NHSL2: variants seen among roughly 807,000 people sequenced by gnomAD.
NHSL2 encodes NHS-like protein 2.
NHSL2 carries 27 observed loss-of-function variants against 53.4 expected under a neutral mutation model. The ratio of observed to expected loss-of-function variants is 0.51; its 90% confidence interval spans 0.37 to 0.70. The LOEUF (loss-of-function observed/expected upper bound fraction) is 0.70. Ranked by LOEUF, NHSL2 falls within the 30% of genes least tolerant of loss-of-function variation. The pLI, the probability that NHSL2 is intolerant of heterozygous loss-of-function variation, is 0.00. For synonymous variants in NHSL2, 408 were observed against 404.1 expected, an observed-to-expected ratio of 1.01 and a Z score of -0.12; for missense variants, 892 against 980.1, an observed-to-expected ratio of 0.91 and a Z score of 1.20.
intron 1 of NHSL2, among the ~76,000 whole-genome samples, chrX:71,980,327 C>T (rs2041969803): frequency 9.0e-6 from 1 of 111,472 alleles, no homozygotes; most frequent in Admixed American, 9.5e-5. Flanking sequence ...ATGGGGATGG[C>T]ATTGAATCTG....
chrX:71,925,490 G>A (rs778591295), intron 1 of NHSL2, among the ~76,000 whole-genome samples: 3 of 108,173 alleles, frequency 2.8e-5, no homozygotes, highest in South Asian at 4.2e-4. Flanking sequence ...GCAGTGGCGC[G>A]ATCTCAGCTC....
At chrX:72,052,982 G>A (rs1194937067) in intron 1 of NHSL2, among the ~76,000 whole-genome samples, 2 of 112,354 alleles carry the variant, frequency 1.8e-5, no homozygotes, top group African/African-American at 6.5e-5. Flanking sequence ...AAAGGCAATA[G>A]GGATCTGATG....
At chrX:71,962,300 G>C (rs906546513) in intron 1 of NHSL2, among the ~76,000 whole-genome samples, 2 of 111,507 alleles carry the variant, frequency 1.8e-5, no homozygotes, top group Non-Finnish European at 3.8e-5. Context: ...CTTTGGCTTT[G>C]ATATCAGGGC....
At chrX:72,049,992 G>A (rs1321857495) in intron 1 of NHSL2, among the ~76,000 whole-genome samples, 1 of 106,452 alleles carries the variant, frequency 9.4e-6, no homozygotes, top group Non-Finnish European at 1.9e-5. Flanking sequence ...TATAGTTCTG[G>A]TTTTGGTAGG....
At chrX:71,911,863 T>C (rs762893049) in intron 1 of NHSL2, among the ~76,000 whole-genome samples, 512 of 112,556 alleles carry the variant, frequency 4.5e-3, no homozygotes, top group Non-Finnish European at 7.5e-3. Flanking sequence ...CGGTGGTGCC[T>C]ACAGGCTTTA....
In NHSL2 at chrX:72,130,444, A is replaced by G. The variant is rs146618350; in HGVS notation, c.281-1635A>G. 1,034 of 1,203,426 alleles carry G rather than the reference A, an allele frequency of 8.6e-4. 6 individuals carry two copies. In the African/African-American group the frequency reaches 0.017, roughly 19 times the overall value. On this transcript the variant is annotated intron_variant, in intron 1 of 7. Transcript: ENST00000633930. Reference sequence around the variant, plus strand: ...CTTCATCTCTTGCTGAAAAGCCCTCATGCGCTTCCTCTGGTCCTTGGAGTG... The same window carrying G: ...CTTCATCTCTTGCTGAAAAGCCCTCGTGCGCTTCCTCTGGTCCTTGGAGTG...
rs1181953593 is a variant in NHSL2, at chrX:71,911,117, C to G, written c.30C>G (p.Pro10=). The change falls in exon 1 of 8, where the codon CCC becomes CCG. Residue 10 remains proline, a synonymous_variant. Transcript: ENST00000633930. The part of the protein sequence containing the change: MPFYRRTVV[P]QRLCPRNPPQ... Reference sequence around the variant, plus strand: ...CGTTCTACAGGCGCACGGTGGTACCCCAGCGCCTGTGCCCGCGCAACCCGC... The same window carrying G: ...CGTTCTACAGGCGCACGGTGGTACCGCAGCGCCTGTGCCCGCGCAACCCGC... The G allele has an allele frequency of 1.0e-5, 11 of 1,096,562 alleles. No individual in the cohort carries two copies. Among genetic ancestry groups the G allele is most frequent in the Non-Finnish European group, 1.3e-5 (11 of 842,206 alleles). The allele number at this position is 1,096,562 out of a possible 1,213,427, so 90.4% of individuals were successfully genotyped here. A position where few individuals can be genotyped will look rare whatever the true frequency, so the allele number is the denominator to read the frequency against.
chrX:71,927,882 C>T (rs1051875196), intron 1 of NHSL2, among the ~76,000 whole-genome samples: 5 of 111,859 alleles, frequency 4.5e-5, no homozygotes, highest in Admixed American at 9.5e-5. Flanking sequence ...TCTTTATGAC[C>T]CTGGACAAGT....
chrX:71,972,587 A>G (rs903600893), intron 1 of NHSL2, among the ~76,000 whole-genome samples: 2 of 111,987 alleles, frequency 1.8e-5, no homozygotes, highest in African/African-American at 6.5e-5. Context: ...ACTGTGATAC[A>G]TCTGGGCGTG....
intron 1 of NHSL2, among the ~76,000 whole-genome samples, chrX:71,917,864 C>G (rs993742746): frequency 9.0e-6 from 1 of 111,417 alleles, no homozygotes; most frequent in Admixed American, 9.5e-5. Flanking sequence ...CAAGGCACCT[C>G]CTGACTCAGA....
At chrX:71,911,412 C>T in intron 1 of NHSL2, 45 bp downstream of exon 1, 3 of 1,005,575 alleles carry the variant, frequency 3.0e-6, no homozygotes, top group Admixed American at 4.3e-5. Flanking sequence ...GTCTACCCCG[C>T]CTCTAGGGGC....
chrX:71,997,689 C>A (rs925204038), intron 1 of NHSL2, among the ~76,000 whole-genome samples: 1 of 111,329 alleles, frequency 9.0e-6, no homozygotes, highest in African/African-American at 3.3e-5. Context: ...GGTTCCTCAT[C>A]TTTAAAATGG....
At chrX:72,080,009 G>T (rs2041776335) in intron 1 of NHSL2, 1 of 112,510 alleles carries the variant, frequency 8.9e-6, no homozygotes, top group South Asian at 3.6e-4. Context: ...CTTTCCCTAG[G>T]CTGGGCTGCC....
chrX:71,924,576 C>G (rs2041675355), intron 1 of NHSL2, among the ~76,000 whole-genome samples: 1 of 112,142 alleles, frequency 8.9e-6, no homozygotes, highest in South Asian at 3.7e-4. Flanking sequence ...AGTTAGAGGT[C>G]TCTTCCTAGG....
At chrX:72,095,147 G>A (rs895697644) in intron 1 of NHSL2, among the ~76,000 whole-genome samples, 1 of 112,069 alleles carries the variant, frequency 8.9e-6, no homozygotes, top group East Asian at 2.8e-4. Flanking sequence ...TCTCTCAATC[G>A]CTTATAGCAT....
intron 1 of NHSL2, among the ~76,000 whole-genome samples, chrX:71,927,813 C>T (rs761783989): frequency 1.5e-4 from 17 of 111,745 alleles, no homozygotes; most frequent in Middle Eastern, 4.6e-3. Flanking sequence ...CCCGCCTCTG[C>T]CTCCCAAACT....
chrX:72,130,283 T>A lies in NHSL2; in HGVS notation c.281-1796T>A, dbSNP rs6624595. Reference sequence around the variant, plus strand: ...TCATCTTCATCTTCTTCATCCTTACTCTCTCCTTCCTCCTCATTCTTGTTC... The same window carrying A: ...TCATCTTCATCTTCTTCATCCTTACACTCTCCTTCCTCCTCATTCTTGTTC... On this transcript the variant is annotated intron_variant, in intron 1 of 7. Coordinates refer to ENST00000633930, the MANE Select transcript of NHSL2 (RefSeq NM_001013627.3). 22 of 1,197,154 alleles carry A rather than the reference T, an allele frequency of 1.8e-5. No homozygotes were observed. In the South Asian group the frequency reaches 2.5e-4, roughly 14 times the overall value.
intron 1 of NHSL2, among the ~76,000 whole-genome samples, chrX:72,040,851 A>C (rs1316511911): frequency 1.8e-5 from 2 of 112,543 alleles, no homozygotes; most frequent in East Asian, 2.8e-4. Flanking sequence ...CAAGCATTCG[A>C]GTGTTCCCTG....
intron 1 of NHSL2, among the ~76,000 whole-genome samples, chrX:72,088,212 C>T (rs7889949): frequency 0.31 from 34,171 of 111,157 alleles, 4,907 homozygotes; most frequent in East Asian, 0.69. Context: ...GCATGGGCAA[C>T]AAGAGCGAAA....
Sources: allele counts gnomAD v4.1 joint callset (sites outside exome capture counted in the v4.1 genomes callset), GRCh38; gene constraint gnomAD v4.1.1; transcripts MANE v1.5; gene names NCBI Gene and HGNC (gene_info 2026-07-23, HGNC 2026-07-21).